BEND7: variants seen among roughly 807,000 people sequenced by gnomAD.
The protein encoded by BEND7 is BEN domain-containing protein 7.
In BEND7, 28 loss-of-function variants were observed where a neutral mutation model predicts 50.9. That is an observed-to-expected ratio of 0.55 (90% CI 0.41 to 0.75). The LOEUF (loss-of-function observed/expected upper bound fraction) is 0.75, where lower values mean the gene tolerates loss of function less well. Among genes scored for constraint, BEND7 ranks in the 30% least tolerant of loss-of-function variants. The probability of loss-of-function intolerance (pLI) is 0.00; values close to 1 mark genes in which losing one functional copy is unlikely to be tolerated. For synonymous variants in BEND7, 170 were observed against 183.9 expected (o/e 0.92, Z 0.61); for missense variants, 477 against 491.3 (o/e 0.97, Z 0.28).
intron 6 of BEND7, among the ~76,000 whole-genome samples, chr10:13,455,707 A>G (rs1838817783): frequency 6.6e-6 from 1 of 152,104 alleles, no homozygotes; most frequent in Non-Finnish European, 1.5e-5. Context: ...CCTCCAACAG[A>G]AGGAGGGAAA....
chr10:13,478,163 C>T (rs10906386), intron 6 of BEND7, among the ~76,000 whole-genome samples: 80,721 of 151,914 alleles, frequency 0.53, 22,268 homozygotes, highest in East Asian at 0.74. Flanking sequence ...GGTGACAGCC[C>T]GTGACAAAAT....
chr10:13,475,589 A>G (rs1297941759), intron 6 of BEND7, among the ~76,000 whole-genome samples: 1 of 152,216 alleles, frequency 6.6e-6, no homozygotes, highest in Non-Finnish European at 1.5e-5. Flanking sequence ...TGACACTAGT[A>G]AAAAAATTGA....
At chr10:13,500,157 A>G (rs745361408) in intron 2 of BEND7, 77 bp from the exon 3 acceptor site, 2 of 1,217,852 alleles carry the variant, frequency 1.6e-6, no homozygotes, top group Admixed American at 2.3e-5. Flanking sequence ...AAGAAGAGAA[A>G]GAAAAACAAC....
chr10:13,500,168 C>T (rs769138739), intron 2 of BEND7, 88 bp from the exon 3 acceptor site: 165 of 1,137,670 alleles, frequency 1.5e-4, no homozygotes, highest in Middle Eastern at 2.1e-4. Context: ...GAAAAACAAC[C>T]CTTCTTTGGA....
At chr10:13,453,985 C>A (rs1360968451) in intron 6 of BEND7, among the ~76,000 whole-genome samples, 1 of 152,194 alleles carries the variant, frequency 6.6e-6, no homozygotes, top group Non-Finnish European at 1.5e-5. Flanking sequence ...TGGCAACAAT[C>A]CGATTGTGCA....
intron 2 of BEND7, among the ~76,000 whole-genome samples, chr10:13,515,477 A>C (rs1331818449): frequency 1.3e-5 from 2 of 152,246 alleles, no homozygotes; most frequent in African/African-American, 4.8e-5. Flanking sequence ...AATACCAAGA[A>C]AACAATTTTA....
At chr10:13,476,466 G>T in intron 6 of BEND7, among the ~76,000 whole-genome samples, 1 of 152,204 alleles carries the variant, frequency 6.6e-6, no homozygotes, top group East Asian at 1.9e-4. Flanking sequence ...CTGAATGCAA[G>T]AAGATTCAAG....
chr10:13,511,042 T>G (rs755426678), intron 2 of BEND7, among the ~76,000 whole-genome samples: 1 of 152,062 alleles, frequency 6.6e-6, no homozygotes, highest in Non-Finnish European at 1.5e-5. Flanking sequence ...TAGCTGGGTG[T>G]GATGGTAGGC....
At chr10:13,477,161 T>C (rs1300871997) in intron 6 of BEND7, among the ~76,000 whole-genome samples, 1 of 152,190 alleles carries the variant, frequency 6.6e-6, no homozygotes, top group East Asian at 1.9e-4. Context: ...ATTGTTGTTT[T>C]AACCACTCTA....
intron 8 of BEND7, chr10:13,446,988 G>A (rs910367357): frequency 8.6e-6 from 4 of 464,060 alleles, no homozygotes; most frequent in African/African-American, 2.0e-5. Flanking sequence ...AATGTCCAAA[G>A]GTTTGGGGAG....
chr10:13,453,814 G>A (rs1217909649), intron 6 of BEND7, among the ~76,000 whole-genome samples: 2 of 152,216 alleles, frequency 1.3e-5, no homozygotes, highest in Non-Finnish European at 2.9e-5. Flanking sequence ...ATTACTATTA[G>A]TGCAAACAGG....
At chr10:13,511,544 G>A (rs768451063) in intron 2 of BEND7, among the ~76,000 whole-genome samples, 13 of 152,148 alleles carry the variant, frequency 8.5e-5, no homozygotes, top group Admixed American at 7.2e-4. Flanking sequence ...GCAGCTAGAC[G>A]GCAGCAAGAA....
At chr10:13,516,305 G>A (rs560836396) in intron 2 of BEND7, among the ~76,000 whole-genome samples, 22 of 152,330 alleles carry the variant, frequency 1.4e-4, no homozygotes, top group African/African-American at 5.3e-4. Flanking sequence ...GATTCCAGGG[G>A]TGCTGTCCCT....
At position 13,508,400 on chromosome 10, in the gene BEND7, C is replaced by T. The variant is rs575278495; in HGVS notation, c.146-8320G>A. 4.1e-4 allele frequency among the ~76,000 whole-genome samples: 62 copies of T among 152,294 alleles called. No individual in the cohort carries two copies. In the South Asian group the frequency reaches 5.4e-3, roughly 13 times the overall value. On this transcript the variant is annotated intron_variant, in intron 2 of 8. Coordinates refer to ENST00000466271, the MANE Select transcript of BEND7 (RefSeq NM_001369863.1). ...GAGCAAAGCTCTGCTGAGGAGACTG[C>T]GCCAGAACCCGATTCCTGAAGCCGC...
intron 5 of BEND7, among the ~76,000 whole-genome samples, chr10:13,491,169 C>T (rs1054091358): frequency 6.6e-6 from 1 of 151,560 alleles, no homozygotes. Flanking sequence ...TTTCATTAGC[C>T]GGGGGTGGTG....
At chr10:13,508,169 C>T (rs1244968979) in intron 2 of BEND7, among the ~76,000 whole-genome samples, 3 of 152,108 alleles carry the variant, frequency 2.0e-5, no homozygotes, top group African/African-American at 7.2e-5. Context: ...CTTTCCAGAC[C>T]CCATTAACAT....
chr10:13,441,189 C>A lies in BEND7; in HGVS notation c.*554G>T, dbSNP rs1801672. On this transcript the variant is annotated 3_prime_UTR_variant, in exon 9 of 9. Transcript: ENST00000466271. ...GTTATACACCATTTTCACAACCAGG[C>A]TTGCATTGAATTCTTTTTTAAAGAA... The A allele has an allele frequency of 1.6e-5, 15 of 965,100 alleles. No homozygotes were observed. The highest frequency in any genetic ancestry group is 1.8e-5 in the Non-Finnish European group (15 of 811,664). The allele number at this position is 965,100 out of a possible 1,614,324, so 59.8% of individuals were successfully genotyped here.
chr10:13,519,861 G>A (rs2078964285), intron 2 of BEND7, among the ~76,000 whole-genome samples: 2 of 152,214 alleles, frequency 1.3e-5, no homozygotes, highest in African/African-American at 4.8e-5. Context: ...GTAAGGAATG[G>A]TAGGAGGCTA....
intron 2 of BEND7, among the ~76,000 whole-genome samples, chr10:13,502,466 A>G (rs2077542025): frequency 6.6e-6 from 1 of 152,154 alleles, no homozygotes; most frequent in African/African-American, 2.4e-5. Context: ...TAAACAATAA[A>G]TCATATTCCA....
Sources: allele counts gnomAD v4.1 joint callset (sites outside exome capture counted in the v4.1 genomes callset), GRCh38; gene constraint gnomAD v4.1.1; transcripts MANE v1.5; gene names NCBI Gene and HGNC (gene_info 2026-07-23, HGNC 2026-07-21).